The following ASAP1 variants were observed in gnomAD, a reference collection of about 807,000 sequenced individuals.
ASAP1 encodes ArfGAP with SH3 domain, ankyrin repeat and PH domain 1.
In ASAP1, 43 loss-of-function variants were observed where a neutral mutation model predicts 145.2. The ratio of observed to expected loss-of-function variants is 0.30; its 90% CI spans 0.23 to 0.38. The LOEUF (loss-of-function observed/expected upper bound fraction) is 0.38. ASAP1 is among the 10% of genes least tolerant of loss of function. ASAP1 has a pLI of 1.00. For missense variants in ASAP1, 1,018 were observed against 1,355.3 expected, an observed-to-expected ratio of 0.75 and a Z score of 3.91; for synonymous variants, 546 against 515.5, an observed-to-expected ratio of 1.06 and a Z score of -0.80.
At chr8:130,241,411 CAGGGG>C (rs1351342554) in intron 3 of ASAP1, among the ~76,000 whole-genome samples, 1 of 152,076 alleles carries the variant, frequency 6.6e-6, no homozygotes, top group African/African-American at 2.4e-5. Flanking sequence ...TCTATGAAAG[CAGGGG>C]CTTGTATAAC....
At chr8:130,359,618 GT>G (rs35447783) in intron 2 of ASAP1, among the ~76,000 whole-genome samples, 8,383 of 134,074 alleles carry the variant, frequency 0.063, 230 homozygotes, top group Admixed American at 0.099. Flanking sequence ...ATCTTGCACT[GT>G]TTTTTTTTTT....
intron 1 of ASAP1, among the ~76,000 whole-genome samples, chr8:130,440,900 T>A (rs1489388723): frequency 6.6e-6 from 1 of 152,206 alleles, no homozygotes; most frequent in Non-Finnish European, 1.5e-5. Context: ...TTTGTTTCCT[T>A]GATAACAAGG....
intron 9 of ASAP1, among the ~76,000 whole-genome samples, chr8:130,175,395 T>C (rs1813883762): frequency 6.6e-6 from 1 of 152,090 alleles, no homozygotes; most frequent in South Asian, 2.1e-4. Flanking sequence ...TAATTTTTTA[T>C]TTTTATTTTT....
intron 3 of ASAP1, among the ~76,000 whole-genome samples, chr8:130,307,043 C>T (rs1394308018): frequency 1.3e-5 from 2 of 152,216 alleles, no homozygotes; most frequent in East Asian, 3.8e-4. Flanking sequence ...AGAGATACCT[C>T]TGGGCAATCC....
chr8:130,437,151 T>C (rs142633680), intron 1 of ASAP1, among the ~76,000 whole-genome samples: 1 of 150,266 alleles, frequency 6.7e-6, no homozygotes, highest in East Asian at 1.9e-4. Flanking sequence ...ATGAAAAAAG[T>C]TCAACAAATG....
chr8:130,125,244 G>A lies in ASAP1; in HGVS notation c.1515+712C>T, dbSNP rs567772873. On this transcript the variant is annotated intron_variant, in intron 17 of 29. Coordinates refer to ENST00000518721, the MANE Select transcript of ASAP1 (RefSeq NM_018482.4). ...CCAGGTGTTAAAATTATGCAAAATG[G>A]GGCATTTGTCCAGTAGGCATCCTAC... Among the ~76,000 whole-genome samples, 3 of 152,016 alleles carry A rather than the reference G, an allele frequency of 2.0e-5. No homozygotes were observed. In the South Asian group the frequency reaches 6.2e-4, roughly 32 times the overall value.
intron 5 of ASAP1, among the ~76,000 whole-genome samples, chr8:130,188,666 G>A (rs1298390578): frequency 3.7e-5 from 5 of 133,972 alleles, no homozygotes; most frequent in East Asian, 2.3e-4. Flanking sequence ...CCTGGGAGGC[G>A]GAGGTTGCAG....
At chr8:130,105,139 C>G (rs2097534869) in intron 24 of ASAP1, among the ~76,000 whole-genome samples, 1 of 152,022 alleles carries the variant, frequency 6.6e-6, no homozygotes, top group African/African-American at 2.4e-5. Flanking sequence ...TCTGGGAGTT[C>G]TGCATCTGCA....
intron 3 of ASAP1, among the ~76,000 whole-genome samples, chr8:130,283,808 T>G (rs969160813): frequency 3.9e-5 from 6 of 152,130 alleles, no homozygotes; most frequent in African/African-American, 1.4e-4. Flanking sequence ...ATGGGCAAAG[T>G]AGAATCACTG....
intron 5 of ASAP1, among the ~76,000 whole-genome samples, chr8:130,188,723 C>CAAAAAAAAAA (rs370580190): frequency 2.9e-3 from 246 of 83,436 alleles, no homozygotes; most frequent in South Asian, 4.3e-3. Context: ...GAGACTCTCT[C>CAAAAAAAAAA]AAAAAAAAAA....
chr8:130,206,465 A>C (rs1429854547), intron 5 of ASAP1, among the ~76,000 whole-genome samples: 1 of 152,204 alleles, frequency 6.6e-6, no homozygotes, highest in Admixed American at 6.5e-5. Context: ...AAAAAAAAAA[A>C]CAACTTTAAC....
chr8:130,295,182 C>T (rs1822189367), intron 3 of ASAP1, among the ~76,000 whole-genome samples: 1 of 152,082 alleles, frequency 6.6e-6, no homozygotes, highest in African/African-American at 2.4e-5. Flanking sequence ...ACTTGGGAGG[C>T]TGAGAAAGGA....
intron 3 of ASAP1, among the ~76,000 whole-genome samples, chr8:130,282,145 T>C (rs1821291943): frequency 6.6e-6 from 1 of 152,096 alleles, no homozygotes; most frequent in South Asian, 2.1e-4. Flanking sequence ...TGTTCTACAT[T>C]TTGCAGTATC....
intron 3 of ASAP1, among the ~76,000 whole-genome samples, chr8:130,252,872 G>A (rs1819286216): frequency 6.6e-6 from 1 of 152,116 alleles, no homozygotes; most frequent in Non-Finnish European, 1.5e-5. Context: ...TTAAAACCCA[G>A]ACTGGAAAGA....
intron 4 of ASAP1, among the ~76,000 whole-genome samples, chr8:130,230,910 C>G (rs1364177473): frequency 2.0e-5 from 3 of 152,154 alleles, no homozygotes. Flanking sequence ...TTAAAATAAG[C>G]ATTACATGAC....
rs760415943 is a variant in ASAP1, at chr8:130,054,708, C to T, written c.*23G>A. On this transcript the variant is annotated 3_prime_UTR_variant, in exon 30 of 30. Transcript: ENST00000518721. ...AGCAGTCTTGCATGAAGGATGTGGA[C>T]AATCTTAAGGTTCTGCGTTTTGCTA... The T allele has an allele frequency of 1.9e-6, 3 of 1,603,918 alleles. No individual in the cohort carries two copies. The highest frequency in any genetic ancestry group is 2.7e-5 in the African/African-American group (2 of 74,700).
At chr8:130,174,611 C>G (rs958034505) in intron 9 of ASAP1, among the ~76,000 whole-genome samples, 13 of 152,184 alleles carry the variant, frequency 8.5e-5, no homozygotes, top group African/African-American at 3.1e-4. Context: ...CCTCCCACCT[C>G]TGGGGAGGGC....
At chr8:130,408,606 A>G (rs1829134925) in intron 1 of ASAP1, among the ~76,000 whole-genome samples, 1 of 152,196 alleles carries the variant, frequency 6.6e-6, no homozygotes, top group South Asian at 2.1e-4. Flanking sequence ...CACTTATTAT[A>G]AGGGTGAGCC....
intron 3 of ASAP1, among the ~76,000 whole-genome samples, chr8:130,326,498 T>C (rs957216834): frequency 5.3e-5 from 8 of 152,214 alleles, no homozygotes; most frequent in African/African-American, 1.2e-4. Context: ...ACAGACTGGA[T>C]GTGCTGGAAT....
Sources: gnomAD v4.1 joint callset for allele counts (sites outside exome capture counted in the v4.1 genomes callset) on GRCh38, gnomAD v4.1.1 for gene constraint, MANE v1.5 for transcripts, NCBI Gene and HGNC (gene_info 2026-07-23, HGNC 2026-07-21) for gene names.